SLC9A3: variants seen among roughly 807,000 people sequenced by gnomAD.
The protein encoded by SLC9A3 is sodium/hydrogen exchanger 3.
In SLC9A3, 37 loss-of-function variants were observed where a neutral mutation model predicts 86.8. That is an observed-to-expected ratio of 0.43 (90% CI 0.33 to 0.56). SLC9A3 has a LOEUF of 0.56. Among genes scored for constraint, SLC9A3 ranks in the 20% least tolerant of loss-of-function variants. The probability of loss-of-function intolerance (pLI) is 0.06; values close to 1 mark genes in which losing one functional copy is unlikely to be tolerated. For synonymous variants in SLC9A3, 581 were observed against 528.3 expected (o/e 1.10, Z -1.37); for missense variants, 1,011 against 1,171.9 (o/e 0.86, Z 2.00).
At chr5:495,147 G>A (rs1016973598) in intron 1 of SLC9A3, among the ~76,000 whole-genome samples, 2 of 152,080 alleles carry the variant, frequency 1.3e-5, no homozygotes, top group Non-Finnish European at 2.9e-5. Flanking sequence ...GAGTCTCGGA[G>A]CTCCTGGACG....
intron 1 of SLC9A3, among the ~76,000 whole-genome samples, chr5:515,028 G>A (rs570366759): frequency 2.6e-5 from 4 of 152,224 alleles, no homozygotes; most frequent in Non-Finnish European, 4.4e-5. Flanking sequence ...CTCAAAGGCC[G>A]CCCTCCAGGG....
rs991157185 is a variant in SLC9A3, at chr5:473,142, T to TCCGGCCCCGCCC, written c.*225_*236dup. On this transcript the variant is annotated 3_prime_UTR_variant, in exon 17 of 17. Transcript: ENST00000264938. The stretch of plus-strand genomic sequence containing the variant: ...GTGCGCACTCGGCAGCCCTCGGCGC[T>TCCGGCCCCGCCC]CCGGCCCCGCCCCCGGCGCAGGCCC... 9.9e-5 allele frequency: 16 copies of TCCGGCCCCGCCC among 161,770 alleles called. No homozygotes were observed. The highest frequency in any genetic ancestry group is 3.8e-5 in the Non-Finnish European group (4 of 104,156). The allele number at this position is 161,770 out of a possible 1,614,324, so 10.0% of individuals were successfully genotyped here.
intron 3 of SLC9A3, among the ~76,000 whole-genome samples, chr5:486,268 G>A (rs1189132066): frequency 6.6e-6 from 1 of 152,102 alleles, no homozygotes; most frequent in African/African-American, 2.4e-5. Flanking sequence ...CAGTGTGGGG[G>A]CTGGGATGGT....
intron 14 of SLC9A3, 43 bp from the exon 15 acceptor site, chr5:475,714 G>T: frequency 2.7e-6 from 3 of 1,120,132 alleles, no homozygotes; most frequent in Non-Finnish European, 4.0e-6. Flanking sequence ...TCACTGGGGG[G>T]CTGTCCTCAC....
At position 476,347 on chromosome 5, in the gene SLC9A3, G is replaced by A. The variant is rs372661265; in HGVS notation, c.1922C>T (p.Thr641Met). The change falls in exon 13 of 17, where the codon ACG (threonine) becomes ATG (methionine). Residue 641 changes from threonine (T) to methionine (M), a missense_variant. Physicochemically the swap from Thr to Met is moderately conservative, Grantham distance 81. Around this residue, in one of 3 missense-constraint regions of SLC9A3, gnomAD observed 397 missense variants for 346.3 expected, o/e 1.15. Transcript: ENST00000264938. Reference sequence around the variant, plus strand: ...GTCCTGTTTCTCGTCCTCCGTGGGCGTGAGCTCGTGTCGGCTGTACAGATG... The same window carrying A: ...GTCCTGTTTCTCGTCCTCCGTGGGCATGAGCTCGTGTCGGCTGTACAGATG... ...YKHLYSRHELTPTEDEKQDRE... is the reference protein window; with the variant it reads ...YKHLYSRHELMPTEDEKQDRE... 3.5e-5 allele frequency: 56 copies of A among 1,613,868 alleles called. No homozygotes were observed. In the African/African-American group the frequency reaches 3.9e-4, roughly 11 times the overall value.
At chr5:488,957 G>A (rs573520544) in intron 2 of SLC9A3, among the ~76,000 whole-genome samples, 2 of 152,268 alleles carry the variant, frequency 1.3e-5, no homozygotes, top group Non-Finnish European at 2.9e-5. Flanking sequence ...GCAGGGCTGC[G>A]GTGGGAGCAA....
intron 2 of SLC9A3, among the ~76,000 whole-genome samples, chr5:489,259 C>G (rs957784495): frequency 6.6e-6 from 1 of 152,114 alleles, no homozygotes; most frequent in African/African-American, 2.4e-5. Context: ...GCTGCCTTCC[C>G]GGCCGTGAGG....
intron 5 of SLC9A3, 77 bp downstream of exon 5, chr5:484,443 C>T (rs1739368045): frequency 7.0e-7 from 1 of 1,420,778 alleles, no homozygotes; most frequent in African/African-American, 1.4e-5. Flanking sequence ...GGCTGGCTCG[C>T]CCTGCCGGAC....
intron 2 of SLC9A3, among the ~76,000 whole-genome samples, chr5:490,296 T>G (rs1303043113): frequency 1.3e-5 from 1 of 77,094 alleles, no homozygotes; most frequent in African/African-American, 6.0e-5. Context: ...TGGAGGACGG[T>G]AGAGTCCAGC....
intron 16 of SLC9A3, among the ~76,000 whole-genome samples, chr5:473,741 C>T (rs1738535957): frequency 6.6e-6 from 1 of 152,212 alleles, no homozygotes; most frequent in South Asian, 2.1e-4. Flanking sequence ...CCGGGTGCCT[C>T]CCAGGCCCCC....
intron 1 of SLC9A3, among the ~76,000 whole-genome samples, chr5:514,373 G>A (rs560811211): frequency 5.3e-5 from 8 of 152,302 alleles, no homozygotes; most frequent in South Asian, 2.1e-4. Context: ...CCCAGCCTCC[G>A]GCCTGTGCCC....
intron 16 of SLC9A3, among the ~76,000 whole-genome samples, chr5:473,688 C>T (rs556637467): frequency 2.2e-4 from 34 of 152,298 alleles, no homozygotes; most frequent in African/African-American, 7.9e-4. Context: ...TCAAGGTCCC[C>T]AAGGGGACCT....
At chr5:515,015 G>T (rs1396924854) in intron 1 of SLC9A3, among the ~76,000 whole-genome samples, 2 of 152,184 alleles carry the variant, frequency 1.3e-5, no homozygotes, top group Non-Finnish European at 2.9e-5. Context: ...CCTCGGGGAT[G>T]CACTCAAAGG....
chr5:493,306 C>G (rs1054782663), intron 1 of SLC9A3, among the ~76,000 whole-genome samples: 25 of 152,226 alleles, frequency 1.6e-4, no homozygotes, highest in African/African-American at 6.0e-4. Flanking sequence ...ATGGCCAAGA[C>G]CCCATTTAAG....
Position 472,839 on chromosome 5 carries a change from G to C in SLC9A3, c.*540C>G, listed in dbSNP as rs1318780219. ...AGTCCCCGGGCGCGGGGCTCGGTTG[G>C]GGGGGCCCGGAACCTTGGGCTGGTT... On this transcript the variant is annotated 3_prime_UTR_variant, in exon 17 of 17. Coordinates refer to ENST00000264938, the MANE Select transcript of SLC9A3 (RefSeq NM_004174.4). The C allele has an allele frequency of 1.9e-6, 1 of 525,874 alleles. No homozygotes were observed. The highest frequency in any genetic ancestry group is 3.6e-6 in the Non-Finnish European group (1 of 278,272). 32.6% of individuals were successfully genotyped at this position (525,874 alleles called of 1,614,324 possible).
chr5:489,811 C>G (rs779021691), intron 2 of SLC9A3, among the ~76,000 whole-genome samples: 3 of 152,176 alleles, frequency 2.0e-5, no homozygotes, highest in Non-Finnish European at 4.4e-5. Context: ...CGTTCAGACT[C>G]CCCGGCCGGC....
At chr5:498,665 G>A (rs1740136082) in intron 1 of SLC9A3, among the ~76,000 whole-genome samples, 1 of 152,160 alleles carries the variant, frequency 6.6e-6, no homozygotes, top group African/African-American at 2.4e-5. Context: ...GTCGTCCACA[G>A]TGCTGGGATC....
Position 472,931 on chromosome 5 carries a change from G to T in SLC9A3, c.*448C>A. ...CGGTGGGAAAGGGCGCGAGCGGCCA[G>T]CCATGGCGCGCGGACCCTTCCCGCC... On this transcript the variant is annotated 3_prime_UTR_variant, in exon 17 of 17. Coordinates refer to ENST00000264938, the MANE Select transcript of SLC9A3 (RefSeq NM_004174.4). 1 of 539,906 alleles carries T rather than the reference G, an allele frequency of 1.9e-6. No homozygotes were observed. Among genetic ancestry groups the T allele is most frequent in the Non-Finnish European group, 3.3e-6 (1 of 302,392 alleles). The allele number at this position is 539,906 out of a possible 1,614,324, so 33.4% of individuals were successfully genotyped here. A position where few individuals can be genotyped will look rare whatever the true frequency, so the allele number is the denominator to read the frequency against.
At chr5:501,214 G>C (rs1440221871) in intron 1 of SLC9A3, among the ~76,000 whole-genome samples, 1 of 152,270 alleles carries the variant, frequency 6.6e-6, no homozygotes, top group East Asian at 1.9e-4. Flanking sequence ...GCCCCGGGGG[G>C]CTCAGGAAGG....
Sources: allele counts gnomAD v4.1 joint callset (sites outside exome capture counted in the v4.1 genomes callset), GRCh38; gene constraint gnomAD v4.1.1; regional missense constraint gnomAD v4.1.1; transcripts MANE v1.5; gene names NCBI Gene and HGNC (gene_info 2026-07-23, HGNC 2026-07-21).